Variants in SUGCT observed in about 807,000 individuals in gnomAD.
The protein encoded by SUGCT is succinyl-CoA:glutarate CoA-transferase.
Under a neutral mutation model 55.0 loss-of-function variants are expected in SUGCT, and 41 were observed. That is an observed-to-expected ratio of 0.74 (90% CI 0.58 to 0.97). The LOEUF (loss-of-function observed/expected upper bound fraction) is 0.97. Among genes scored for constraint, SUGCT ranks in the 50% least tolerant of loss-of-function variants. The pLI is 0.00. For missense variants in SUGCT, 568 were observed against 547.8 expected (o/e 1.04, Z -0.37); for synonymous variants, 187 against 200.4 (o/e 0.93, Z 0.56).
intron 8 of SUGCT, among the ~76,000 whole-genome samples, chr7:40,282,969 TTTTGGTGAAGATA>T (rs1223994517): frequency 6.6e-6 from 1 of 152,172 alleles, no homozygotes; most frequent in African/African-American, 2.4e-5. Flanking sequence ...TGACTTTTTT[TTTTGGTGAAGATA>T]TTTGGATATG....
In SUGCT at chr7:40,856,239, T is replaced by C. The variant is rs1234793446; in HGVS notation, c.1154-4077T>C. 3.3e-5 allele frequency among the ~76,000 whole-genome samples: 5 copies of C among 152,350 alleles called. No homozygotes were observed. The East Asian group carries it at 7.7e-4, about 24-fold the overall frequency. On this transcript the variant is annotated intron_variant, in intron 13 of 13. Coordinates refer to ENST00000335693, the MANE Select transcript of SUGCT (RefSeq NM_001193313.2). ...ATCCCATTCATTAGTGATGATCCCT[T>C]CCATTCTTTTCATTCATATGAAGTT...
intron 12 of SUGCT, among the ~76,000 whole-genome samples, chr7:40,713,906 T>A (rs1785868801): frequency 6.6e-6 from 1 of 152,230 alleles, no homozygotes; most frequent in Non-Finnish European, 1.5e-5. Flanking sequence ...TTAACCACAT[T>A]AGGGGACATC....
intron 12 of SUGCT, chr7:40,684,278 A>G (rs1784376266): frequency 1.6e-6 from 2 of 1,230,920 alleles, no homozygotes; most frequent in Non-Finnish European, 1.1e-6. Flanking sequence ...ATTAGGACAT[A>G]GCATCTTTGG....
intron 7 of SUGCT, among the ~76,000 whole-genome samples, chr7:40,256,510 C>T (rs1790820698): frequency 6.6e-6 from 1 of 152,096 alleles, no homozygotes; most frequent in Non-Finnish European, 1.5e-5. Flanking sequence ...GAGGAAAATG[C>T]TTAAAAATTT....
At chr7:40,709,128 G>A (rs1003284215) in intron 12 of SUGCT, among the ~76,000 whole-genome samples, 4 of 152,074 alleles carry the variant, frequency 2.6e-5, no homozygotes, top group Non-Finnish European at 5.9e-5. Flanking sequence ...GAGTCACTAG[G>A]GATCATGTGA....
chr7:40,177,838 C>A (rs1785001477), intron 1 of SUGCT, among the ~76,000 whole-genome samples: 1 of 152,118 alleles, frequency 6.6e-6, no homozygotes, highest in South Asian at 2.1e-4. Context: ...CAACCTCTGC[C>A]TCCTGGGTTC....
chr7:40,902,817 G>A, the SUGCT span, among the ~76,000 whole-genome samples: 5 of 151,950 alleles, frequency 3.3e-5, no homozygotes, highest in African/African-American at 1.2e-4. Flanking sequence ...TTCTGCTCTG[G>A]CCTCGTCTTT....
intron 12 of SUGCT, among the ~76,000 whole-genome samples, chr7:40,678,297 C>T (rs571046207): frequency 1.5e-3 from 226 of 152,192 alleles, no homozygotes; most frequent in African/African-American, 5.0e-3. Context: ...CTCTCTCACT[C>T]GGCATTGGTT....
intron 13 of SUGCT, among the ~76,000 whole-genome samples, chr7:40,820,695 A>G (rs892256616): frequency 5.3e-5 from 8 of 152,290 alleles, no homozygotes; most frequent in East Asian, 1.9e-4. Flanking sequence ...TAAATATACA[A>G]TCATGTCATC....
At chr7:40,412,115 T>G (rs1786730363) in intron 9 of SUGCT, among the ~76,000 whole-genome samples, 1 of 152,134 alleles carries the variant, frequency 6.6e-6, no homozygotes, top group African/African-American at 2.4e-5. Context: ...TGTTCAAAGG[T>G]GGAAGTCAGA....
In SUGCT at chr7:40,228,728, G is replaced by T. The variant is rs116293685; in HGVS notation, c.485-8907G>T. ...ATTAGTTGGGAAACTTTTGTAAGGG[G>T]ACTCTTTCTCTGATCAGTTATTTGA... On this transcript the variant is annotated intron_variant, in intron 6 of 13. Coordinates refer to ENST00000335693, the MANE Select transcript of SUGCT (RefSeq NM_001193313.2). Among the ~76,000 whole-genome samples the T allele has an allele frequency of 6.3e-3, 958 of 152,208 alleles. 10 individuals are homozygous for T. Among genetic ancestry groups the T allele is most frequent in the African/African-American group, 0.022 (921 of 41,532 alleles).
At chr7:40,602,401 C>T (rs558871453) in intron 12 of SUGCT, among the ~76,000 whole-genome samples, 3 of 152,322 alleles carry the variant, frequency 2.0e-5, no homozygotes, top group Admixed American at 6.5e-5. Context: ...TGAGCCTTTA[C>T]AGCCCTTCGT....
intron 9 of SUGCT, among the ~76,000 whole-genome samples, chr7:40,342,417 A>T (rs148849400): frequency 0.01 from 1,574 of 152,282 alleles, 8 homozygotes; most frequent in Non-Finnish European, 0.015. Flanking sequence ...ATCAACCATA[A>T]TATTTCCTCC....
At chr7:40,688,844 T>C (rs977188891) in intron 12 of SUGCT, among the ~76,000 whole-genome samples, 1 of 152,136 alleles carries the variant, frequency 6.6e-6, no homozygotes, top group Admixed American at 6.5e-5. Context: ...AGTAGCATAT[T>C]TGTAGGTAAA....
intron 12 of SUGCT, among the ~76,000 whole-genome samples, chr7:40,540,399 T>A (rs1794608572): frequency 6.6e-6 from 1 of 152,224 alleles, no homozygotes; most frequent in Non-Finnish European, 1.5e-5. Flanking sequence ...TCTAAACAGG[T>A]CTGCCCAAGT....
At chr7:40,489,613 C>T (rs754441779) in intron 11 of SUGCT, among the ~76,000 whole-genome samples, 4 of 151,878 alleles carry the variant, frequency 2.6e-5, no homozygotes, top group Non-Finnish European at 4.4e-5. Flanking sequence ...CCCAGGAGGT[C>T]GAGGTTGCAG....
intron 1 of SUGCT, among the ~76,000 whole-genome samples, chr7:40,172,439 C>A (rs375930132): frequency 6.6e-6 from 1 of 152,146 alleles, no homozygotes; most frequent in Non-Finnish European, 1.5e-5. Flanking sequence ...CACAGCGTAG[C>A]GCTTCCTTAG....
At chr7:40,913,496 A>G in the SUGCT span, among the ~76,000 whole-genome samples, 3 of 152,178 alleles carry the variant, frequency 2.0e-5, no homozygotes, top group African/African-American at 4.8e-5. Flanking sequence ...CTTGTCCCAT[A>G]TTCCAACTGC....
chr7:40,534,648 A>C (rs1583917813), intron 12 of SUGCT, among the ~76,000 whole-genome samples: 1 of 152,272 alleles, frequency 6.6e-6, no homozygotes, highest in Non-Finnish European at 1.5e-5. Flanking sequence ...TGAACTCCTG[A>C]CCTTAGGTGA....
Sources: gnomAD v4.1 joint callset for allele counts (sites outside exome capture counted in the v4.1 genomes callset) on GRCh38, gnomAD v4.1.1 for gene constraint, MANE v1.5 for transcripts, NCBI Gene and HGNC (gene_info 2026-07-23, HGNC 2026-07-21) for gene names.